TBC1D15: variants seen among roughly 807,000 people sequenced by gnomAD.
The protein encoded by TBC1D15 is TBC1 domain family member 15, also known as GAP for RAB7.
In TBC1D15, 39 loss-of-function variants were observed where a neutral mutation model predicts 95.4. That is an observed-to-expected ratio of 0.41 (90% confidence interval 0.32 to 0.53). The LOEUF (loss-of-function observed/expected upper bound fraction) is 0.53. Among genes scored for constraint, TBC1D15 ranks in the 20% least tolerant of loss-of-function variants. The probability of loss-of-function intolerance (pLI) is 0.29; values close to 1 mark genes in which losing one functional copy is unlikely to be tolerated. For missense variants in TBC1D15, 733 were observed against 794.3 expected (o/e 0.92, Z 0.93); for synonymous variants, 258 against 261.3 (o/e 0.99, Z 0.12).
At chr12:71,867,447 C>T (rs1891729961) in intron 1 of TBC1D15, among the ~76,000 whole-genome samples, 1 of 152,086 alleles carries the variant, frequency 6.6e-6, no homozygotes, top group South Asian at 2.1e-4. Context: ...ATGTAGATAA[C>T]AATACTGGTT....
chr12:71,903,931 A>G (rs1900053483), intron 10 of TBC1D15, among the ~76,000 whole-genome samples: 2 of 152,360 alleles, frequency 1.3e-5, no homozygotes, highest in Admixed American at 6.5e-5. Flanking sequence ...CGGCAAAGCT[A>G]TCTGTACACC....
chr12:71,843,355 A>G (rs1205726402), intron 1 of TBC1D15, among the ~76,000 whole-genome samples: 1 of 152,042 alleles, frequency 6.6e-6, no homozygotes, highest in Non-Finnish European at 1.5e-5. Flanking sequence ...TTTTAGTAAC[A>G]ATTTATTTTG....
At chr12:71,871,256 T>C (rs944102225) in intron 1 of TBC1D15, among the ~76,000 whole-genome samples, 2 of 152,150 alleles carry the variant, frequency 1.3e-5, no homozygotes, top group Non-Finnish European at 2.9e-5. Context: ...TTTTGGTCTT[T>C]TATGTGCTTT....
In TBC1D15 at chr12:71,923,444, TTTA is replaced by T. The variant is rs1190673688; in HGVS notation, c.*243_*245del. 20 of 396,210 alleles carry T rather than the reference TTTA, an allele frequency of 5.0e-5. No individual in the cohort carries two copies. The highest frequency in any genetic ancestry group is 3.7e-4 in the Admixed American group (9 of 24,032). 24.5% of individuals were successfully genotyped at this position (396,210 alleles called of 1,614,324 possible). On this transcript the variant is annotated 3_prime_UTR_variant, in exon 17 of 17. Transcript: ENST00000485960. ...TCAGTATTTTTATAGCCAAGTACATTTTATTTTCTTGCTGATGAACTGGAATTG... is the reference window on the plus strand; with the variant it reads ...TCAGTATTTTTATAGCCAAGTACATTTTTTCTTGCTGATGAACTGGAATTG...
chr12:71,852,061 A>G (rs328776), intron 1 of TBC1D15, among the ~76,000 whole-genome samples: 4,099 of 152,294 alleles, frequency 0.027, 186 homozygotes, highest in African/African-American at 0.092. Flanking sequence ...AGGCTTTTCC[A>G]TACATCCTCT....
rs950156322 is a variant in TBC1D15, at chr12:71,853,972, C to T, written c.30+14161C>T. ...ACTGTTCCATACTCTGCTGAATACT[C>T]GAGGAAGACTGCAGATTTCTTGAGT... is the stretch of plus-strand genomic sequence containing the variant. On this transcript the variant is annotated intron_variant, in intron 1 of 16. Transcript: ENST00000485960. 3.3e-5 allele frequency among the ~76,000 whole-genome samples: 5 copies of T among 152,154 alleles called. No homozygotes were observed. The East Asian group carries it at 9.6e-4, about 29-fold the overall frequency.
chr12:71,921,470 A>G lies in TBC1D15; in HGVS notation c.1803+16A>G, dbSNP rs766180487. ...AAAATGCAAGGTATACAGTGTTTCA[A>G]GTAATTGCAAGATTTGTTTGTTTTT... On this transcript the variant is annotated intron_variant, in intron 16 of 16. Transcript: ENST00000485960. 1 of 1,399,702 alleles carries G rather than the reference A, an allele frequency of 7.1e-7. No homozygotes were observed. Among genetic ancestry groups the G allele is most frequent in the Non-Finnish European group, 9.6e-7 (1 of 1,045,470 alleles). 86.7% of individuals were successfully genotyped at this position (1,399,702 alleles called of 1,614,324 possible).
intron 3 of TBC1D15, among the ~76,000 whole-genome samples, chr12:71,874,698 T>G (rs112240285): frequency 0.027 from 3,973 of 147,816 alleles, 186 homozygotes; most frequent in African/African-American, 0.093. Context: ...TCTCAGCTCA[T>G]TGCAACCTCT....
intron 1 of TBC1D15, among the ~76,000 whole-genome samples, chr12:71,870,595 C>G (rs1047994461): frequency 1.3e-5 from 2 of 152,134 alleles, no homozygotes; most frequent in Non-Finnish European, 2.9e-5. Context: ...TAATGTGGAA[C>G]CTTTATAATG....
chr12:71,914,047 G>A (rs1227288687), intron 12 of TBC1D15, 121 bp downstream of exon 12: 3 of 651,234 alleles, frequency 4.6e-6, no homozygotes, highest in South Asian at 2.3e-5. Flanking sequence ...ATTACCTCAT[G>A]CCTTTTGTTA....
chr12:71,894,779 A>C lies in TBC1D15; in HGVS notation c.751A>C (p.Thr251Pro). The change falls in exon 7 of 17, where the codon ACA becomes CCA. Residue 251 changes from threonine to proline, a missense_variant. Transcript: ENST00000485960. ...FDSLRGSDPS[T>P]HQRPPSEMAD... ...CAGTTTGAGAGGCAGCGATCCCTCT[A>C]CACATCAACGACCACCTTCAGAAAT... 1 of 1,613,388 alleles carries C rather than the reference A, an allele frequency of 6.2e-7. No homozygotes were observed. The highest frequency in any genetic ancestry group is 2.2e-5 in the East Asian group (1 of 44,856).
At chr12:71,871,843 G>A (rs1046759637) in intron 1 of TBC1D15, among the ~76,000 whole-genome samples, 4 of 152,180 alleles carry the variant, frequency 2.6e-5, no homozygotes, top group Non-Finnish European at 4.4e-5. Context: ...TGATTATCAC[G>A]AATCTGATAA....
chr12:71,866,402 A>G (rs1455370859), intron 1 of TBC1D15, among the ~76,000 whole-genome samples: 1 of 152,152 alleles, frequency 6.6e-6, no homozygotes, highest in African/African-American at 2.4e-5. Flanking sequence ...TGAAGTCTGT[A>G]GGTGTCTAAG....
intron 10 of TBC1D15, among the ~76,000 whole-genome samples, chr12:71,900,417 TGTG>T (rs1899109309): frequency 6.6e-6 from 1 of 152,160 alleles, no homozygotes; most frequent in Non-Finnish European, 1.5e-5. Flanking sequence ...ACACTAAGCT[TGTG>T]GGAGTTATTT....
At chr12:71,909,150 T>A (rs2138933419) in intron 11 of TBC1D15, among the ~76,000 whole-genome samples, 1 of 152,242 alleles carries the variant, frequency 6.6e-6, no homozygotes, top group East Asian at 1.9e-4. Flanking sequence ...TATACTAATG[T>A]CACATTCTTT....
At chr12:71,889,720 C>G (rs962557396) in intron 5 of TBC1D15, among the ~76,000 whole-genome samples, 17 of 152,268 alleles carry the variant, frequency 1.1e-4, no homozygotes, top group African/African-American at 4.1e-4. Flanking sequence ...TTTTGGTGTA[C>G]AAATAATTCT....
Position 71,878,704 on chromosome 12 carries a change from C to T in TBC1D15, c.205-1765C>T, listed in dbSNP as rs113825237. Among the ~76,000 whole-genome samples the T allele has an allele frequency of 6.2e-3, 946 of 151,430 alleles. 5 individuals carry two copies. The highest frequency in any genetic ancestry group is 0.021 in the African/African-American group (887 of 41,276). ...CTAATTTTTGTATTTTTAGTAGAGA[C>T]GGGGGTTTTGCCATGTTGTCCAGGC... On this transcript the variant is annotated intron_variant, in intron 3 of 16. Coordinates refer to ENST00000485960, the MANE Select transcript of TBC1D15 (RefSeq NM_001146213.3).
Position 71,921,177 on chromosome 12 carries a change from T to A in TBC1D15, c.1717-191T>A, listed in dbSNP as rs566478025. Among the ~76,000 whole-genome samples the A allele has an allele frequency of 1.5e-4, 23 of 152,232 alleles. 1 individual carries two copies. The highest frequency in any genetic ancestry group is 1.5e-3 in the Admixed American group (23 of 15,306). ...AATGTTCCATAAGCTTATTAGCTAGTCTTTAGCTTTAAAACTTGAAATAAT... is the reference window on the plus strand; with the variant it reads ...AATGTTCCATAAGCTTATTAGCTAGACTTTAGCTTTAAAACTTGAAATAAT... On this transcript the variant is annotated intron_variant, in intron 15 of 16. Transcript: ENST00000485960.
chr12:71,881,497 T>C (rs2138480242), intron 4 of TBC1D15, among the ~76,000 whole-genome samples: 1 of 152,310 alleles, frequency 6.6e-6, no homozygotes, highest in East Asian at 1.9e-4. Flanking sequence ...CTGTGCATTT[T>C]AGAAGGTCTT....
Sources: gnomAD v4.1 joint callset for allele counts (sites outside exome capture counted in the v4.1 genomes callset) on GRCh38, gnomAD v4.1.1 for gene constraint, MANE v1.5 for transcripts, NCBI Gene and HGNC (gene_info 2026-07-23, HGNC 2026-07-21) for gene names.